The following WDR7 variants were observed in gnomAD, a reference collection of about 807,000 sequenced individuals.
WDR7 encodes the protein WD repeat-containing protein 7.
In WDR7, 46 loss-of-function variants were observed where a neutral mutation model predicts 169.4. The observed-to-expected ratio is 0.27, with a 90% CI of 0.21 to 0.35. The LOEUF (loss-of-function observed/expected upper bound fraction) is 0.35, where lower values mean the gene tolerates loss of function less well. WDR7 is among the 10% of genes least tolerant of loss of function. The probability of loss-of-function intolerance (pLI) is 1.00; values close to 1 mark genes in which losing one functional copy is unlikely to be tolerated. For synonymous variants in WDR7, 612 were observed against 666.8 expected, an observed-to-expected ratio of 0.92 and a Z score of 1.27; for missense variants, 1,534 against 1,859.3, an observed-to-expected ratio of 0.83 and a Z score of 3.22.
chr18:56,969,653 T>G (rs2047456442), intron 26 of WDR7, among the ~76,000 whole-genome samples: 3 of 152,230 alleles, frequency 2.0e-5, no homozygotes, highest in Admixed American at 2.0e-4. Context: ...ATTAAAATAA[T>G]GAGTGTTGGC....
At chr18:56,686,344 GA>G (rs1233614803) in intron 6 of WDR7, among the ~76,000 whole-genome samples, 6 of 148,740 alleles carry the variant, frequency 4.0e-5, no homozygotes, top group Admixed American at 1.3e-4. Flanking sequence ...TGACTCAAAG[GA>G]AAAAAAAATA....
At chr18:56,775,924 G>A (rs544210811) in intron 16 of WDR7, among the ~76,000 whole-genome samples, 2 of 152,196 alleles carry the variant, frequency 1.3e-5, no homozygotes, top group Non-Finnish European at 2.9e-5. Flanking sequence ...TTAATTTGAA[G>A]ATGCTTGTGC....
intron 15 of WDR7, 24 bp from the exon 16 acceptor site, chr18:56,758,841 T>A: frequency 6.4e-7 from 1 of 1,560,706 alleles, no homozygotes; most frequent in Non-Finnish European, 8.7e-7. Flanking sequence ...AAATATATCT[T>A]GTATTTTTTT....
At chr18:56,843,857 C>CTTTTTTTTTT (rs776575088) in intron 20 of WDR7, among the ~76,000 whole-genome samples, 66 of 134,308 alleles carry the variant, frequency 4.9e-4, no homozygotes, top group South Asian at 7.1e-4. Flanking sequence ...TTTTTTCTTT[C>CTTTTTTTTTT]TTTTTTTTTT....
intron 19 of WDR7, among the ~76,000 whole-genome samples, chr18:56,807,623 T>G (rs2044797928): frequency 6.6e-6 from 1 of 152,110 alleles, no homozygotes; most frequent in African/African-American, 2.4e-5. Context: ...TGTTTCCCTT[T>G]TGTTGCTTTC....
At chr18:56,775,708 C>T (rs916885535) in intron 16 of WDR7, among the ~76,000 whole-genome samples, 4 of 151,786 alleles carry the variant, frequency 2.6e-5, no homozygotes, top group African/African-American at 4.8e-5. Flanking sequence ...GACTTCTTTT[C>T]GTTCTACTGT....
rs1176763635 is a variant in WDR7 at position 56,671,293 on chromosome 18, T to G, written c.-19-1204T>G. ...ATGGGTTTCACACTGAGCAAAGTGT[T>G]TTTTTTTTTTTTTTTTGAGACAAAG... On this transcript the variant is annotated intron_variant, in intron 1 of 27. Transcript: ENST00000254442. Among the ~76,000 whole-genome samples the G allele has an allele frequency of 1.8e-3, 14 of 7,960 alleles. No individual in the cohort carries two copies. The East Asian group carries it at 0.18, about 103-fold the overall frequency. The allele number at this position is 7,960 out of a possible 152,430, so 5.2% of individuals were successfully genotyped here.
At chr18:57,006,631 T>C (rs1404506899) in intron 26 of WDR7, among the ~76,000 whole-genome samples, 1 of 152,210 alleles carries the variant, frequency 6.6e-6, no homozygotes, top group Non-Finnish European at 1.5e-5. Flanking sequence ...GGATATTCAC[T>C]TTCCCTTTCA....
At chr18:56,730,912 A>G (rs1324623608) in intron 13 of WDR7, among the ~76,000 whole-genome samples, 1 of 152,234 alleles carries the variant, frequency 6.6e-6, no homozygotes, top group Non-Finnish European at 1.5e-5. Context: ...TGTAGAAATT[A>G]TAATATTTTT....
At chr18:56,747,694 G>A (rs368931709) in intron 14 of WDR7, among the ~76,000 whole-genome samples, 41 of 152,160 alleles carry the variant, frequency 2.7e-4, no homozygotes, top group African/African-American at 9.7e-4. Context: ...TTAGGAGGAC[G>A]GTGGGGAAGA....
intron 19 of WDR7, among the ~76,000 whole-genome samples, chr18:56,786,269 G>A (rs2044397893): frequency 6.6e-6 from 1 of 152,082 alleles, no homozygotes; most frequent in South Asian, 2.1e-4. Context: ...AGTGGCTCAC[G>A]CCTGTAATCC....
intron 20 of WDR7, chr18:56,872,840 T>A (rs1823715074): frequency 1.3e-5 from 2 of 152,186 alleles, no homozygotes; most frequent in South Asian, 4.1e-4. Context: ...CAAATGAAAC[T>A]GTAGAAAGGT....
chr18:56,979,761 T>C (rs2047615287), intron 26 of WDR7, among the ~76,000 whole-genome samples: 1 of 150,092 alleles, frequency 6.7e-6, no homozygotes, highest in Non-Finnish European at 1.5e-5. Context: ...TCTATTTAAT[T>C]ATTATGAGGC....
In WDR7 at chr18:56,691,370, C is replaced by T. The variant is rs754218983; in HGVS notation, c.863+9C>T. 1 of 1,578,456 alleles carries T rather than the reference C, an allele frequency of 6.3e-7. No homozygotes were observed. Among genetic ancestry groups the T allele is most frequent in the Non-Finnish European group, 8.5e-7 (1 of 1,170,654 alleles). ...TACAAACTACCTGCCAGGTATGCAGCAAGTAATAAATTAGGACAGTCATCA... is the reference window on the plus strand; with the variant it reads ...TACAAACTACCTGCCAGGTATGCAGTAAGTAATAAATTAGGACAGTCATCA... On this transcript the variant is annotated intron_variant, in intron 8 of 27. Coordinates refer to ENST00000254442, the MANE Select transcript of WDR7 (RefSeq NM_015285.3).
chr18:56,881,775 G>A (rs146401117), intron 21 of WDR7, among the ~76,000 whole-genome samples: 2,134 of 152,032 alleles, frequency 0.014, 28 homozygotes, highest in East Asian at 0.036. Context: ...TCATAGAGAC[G>A]GGGTTTCCCC....
chr18:56,976,210 G>A (rs989059668), intron 26 of WDR7, among the ~76,000 whole-genome samples: 1 of 152,080 alleles, frequency 6.6e-6, no homozygotes, highest in African/African-American at 2.4e-5. Flanking sequence ...AGCAGATTTT[G>A]ATCAACCTTA....
Position 56,912,087 on chromosome 18 carries a change from A to G in WDR7, c.3527-11835A>G, listed in dbSNP as rs191464561. ...CCCCTTCACGGATGTTTAATGGTGTATGGGTGACCAGAAAGGGTGAAGATG... is the reference window on the plus strand; with the variant it reads ...CCCCTTCACGGATGTTTAATGGTGTGTGGGTGACCAGAAAGGGTGAAGATG... On this transcript the variant is annotated intron_variant, in intron 21 of 27. Transcript: ENST00000254442. Among the ~76,000 whole-genome samples the G allele has an allele frequency of 4.5e-3, 680 of 152,308 alleles. 2 individuals carry two copies. Among genetic ancestry groups the G allele is most frequent in the Non-Finnish European group, 7.1e-3 (483 of 68,024 alleles).
At chr18:56,830,941 CTCTAGCACACT>C (rs2045297727) in intron 20 of WDR7, among the ~76,000 whole-genome samples, 1 of 152,098 alleles carries the variant, frequency 6.6e-6, no homozygotes, top group South Asian at 2.1e-4. Context: ...TCCTGACCTC[CTCTAGCACACT>C]TTTTACTGAT....
chr18:56,893,899 A>C (rs766120973), intron 21 of WDR7, among the ~76,000 whole-genome samples: 4 of 152,028 alleles, frequency 2.6e-5, no homozygotes, highest in East Asian at 1.9e-4. Flanking sequence ...AAATTGACAA[A>C]ACTTTGAAAA....
Sources: gnomAD v4.1 joint callset for allele counts (sites outside exome capture counted in the v4.1 genomes callset) on GRCh38, gnomAD v4.1.1 for gene constraint, MANE v1.5 for transcripts, NCBI Gene and HGNC (gene_info 2026-07-23, HGNC 2026-07-21) for gene names.